BBS1: variants seen among roughly 807,000 people sequenced by gnomAD.
The protein encoded by BBS1 is Bardet-Biedl syndrome 1.
Under a neutral mutation model 73.9 loss-of-function variants are expected in BBS1, and 60 were observed. The observed-to-expected ratio is 0.81, with a 90% confidence interval of 0.66 to 1.01. The LOEUF (loss-of-function observed/expected upper bound fraction) is 1.01, where lower values mean the gene tolerates loss of function less well. Among genes scored for constraint, BBS1 ranks in the 50% least tolerant of loss-of-function variants. The probability of loss-of-function intolerance (pLI) is 0.00; values close to 1 mark genes in which losing one functional copy is unlikely to be tolerated. For synonymous variants in BBS1, 283 were observed against 317.4 expected, an observed-to-expected ratio of 0.89 and a Z score of 1.15; for missense variants, 718 against 770.3, an observed-to-expected ratio of 0.93 and a Z score of 0.80.
At position 66,526,654 on chromosome 11, in the gene BBS1, G is replaced by A. The variant is rs1409763800; in HGVS notation, c.1186G>A (p.Gly396Ser). Reference protein sequence around the residue: ...NTLIMTTRGGGLIIKILKRTA... With the variant: ...NTLIMTTRGGSLIIKILKRTA... ...TCCACTGTCCACTTCCCTAGGTGGT[G>A]GCCTGATCATCAAGATCCTGAAGCG... Residue 396 changes from glycine (G) to serine (S), a missense_variant, in exon 13 of 17, where the codon GGC (glycine) becomes AGC (serine). Physicochemically the swap from Gly to Ser is moderately conservative, Grantham distance 56 (BLOSUM62 0). Transcript: ENST00000318312. 1 of 1,614,108 alleles carries A rather than the reference G, an allele frequency of 6.2e-7. No homozygotes were observed. Among genetic ancestry groups the A allele is most frequent in the African/African-American group, 1.3e-5 (1 of 74,936 alleles).
At chr11:66,527,785 G>A (rs1856584503) in intron 13 of BBS1, 1 of 152,144 alleles carries the variant, frequency 6.6e-6, no homozygotes, top group South Asian at 2.1e-4. Flanking sequence ...AGCTTTTGGA[G>A]CACACAGAGG....
rs753917960 is a variant in BBS1, at chr11:66,529,909, C to T, written c.1430C>T (p.Pro477Leu). ...YLQALESSLSPLSTTAREPLK... is the reference protein window; with the variant it reads ...YLQALESSLSLLSTTAREPLK... ...CAGGCCCTCGAGTCCAGCCTGAGCC[C>T]CCTGTCCACGACAGCCCGAGAGCCA... Residue 477 changes from proline (P) to leucine (L), a missense_variant, in exon 14 of 17, where the codon CCC becomes CTC. Physicochemically the swap from Pro to Leu is moderately conservative, Grantham distance 98 (BLOSUM62 -3). Transcript: ENST00000318312. 7.5e-6 allele frequency: 12 copies of T among 1,606,844 alleles called. No homozygotes were observed. The Admixed American group carries it at 1.8e-4, about 25-fold the overall frequency.
chr11:66,532,372 C>T lies in BBS1; in HGVS notation c.*335C>T, dbSNP rs1393472640. 1 of 332,176 alleles carries T rather than the reference C, an allele frequency of 3.0e-6. No individual in the cohort carries two copies. The highest frequency in any genetic ancestry group is 5.5e-5 in the East Asian group (1 of 18,156). The allele number at this position is 332,176 out of a possible 1,614,324, so 20.6% of individuals were successfully genotyped here. On this transcript the variant is annotated 3_prime_UTR_variant, in exon 17 of 17. Transcript: ENST00000318312. ...GTGAGCTGAGCAGGACAGGCCCAGCCTTTCTCCACTGCCACGTCCCTCATG... is the reference window on the plus strand; with the variant it reads ...GTGAGCTGAGCAGGACAGGCCCAGCTTTTCTCCACTGCCACGTCCCTCATG...
Position 66,532,155 on chromosome 11 carries a change from T to C in BBS1, c.*118T>C. 1 of 1,108,944 alleles carries C rather than the reference T, an allele frequency of 9.0e-7. No homozygotes were observed. The highest frequency in any genetic ancestry group is 1.6e-5 in the African/African-American group (1 of 63,906). The allele number at this position is 1,108,944 out of a possible 1,614,324, so 68.7% of individuals were successfully genotyped here. On this transcript the variant is annotated 3_prime_UTR_variant, in exon 17 of 17. Transcript: ENST00000318312. ...CTGGGGCGACAGCTCGTCTCCCCTC[T>C]CTTAAGCACCCGCTTCCTCACCACC...
In BBS1 at chr11:66,523,786, G is replaced by T; in HGVS notation, c.1014G>T (p.Gln338His). ...AAILTMNLLE[Q>H]HSRGLQAVMA... ...TCCTGACCATGAACCTCCTGGAGCA[G>T]CATTCCCGGGGCCTGCAGGCCGTCA... The change falls in exon 11 of 17, where the codon CAG becomes CAT. Residue 338 changes from glutamine to histidine, a missense_variant. Gln to His is a conservative substitution (Grantham distance 24). Coordinates refer to ENST00000318312, the MANE Select transcript of BBS1 (RefSeq NM_024649.5). The T allele has an allele frequency of 1.2e-6, 2 of 1,613,338 alleles. No homozygotes were observed. Among genetic ancestry groups the T allele is most frequent in the South Asian group, 2.2e-5 (2 of 91,090 alleles).
intron 11 of BBS1, among the ~76,000 whole-genome samples, chr11:66,524,938 C>T (rs766722274): frequency 3.9e-5 from 6 of 152,014 alleles, no homozygotes; most frequent in Non-Finnish European, 8.8e-5. Context: ...CGGTGGCTCA[C>T]GTCTGTAATC....
Position 66,532,143 on chromosome 11 carries a change from TCG to T in BBS1, c.*107_*108del. The T allele has an allele frequency of 8.2e-7, 1 of 1,212,680 alleles. No homozygotes were observed. The highest frequency in any genetic ancestry group is 1.2e-6 in the Non-Finnish European group (1 of 867,110). 75.1% of individuals were successfully genotyped at this position (1,212,680 alleles called of 1,614,324 possible). ...TGCAGCAGTGTGCTGGGGCGACAGC[TCG>T]TCTCCCCTCTCTTAAGCACCCGCTT... On this transcript the variant is annotated 3_prime_UTR_variant, in exon 17 of 17. Transcript: ENST00000318312.
intron 3 of BBS1, among the ~76,000 whole-genome samples, chr11:66,512,915 T>C (rs1855981357): frequency 6.6e-6 from 1 of 151,520 alleles, no homozygotes; most frequent in African/African-American, 2.4e-5. Context: ...GAGGTTGCAG[T>C]GAGCCGAAAT....
rs1271245314 is a variant in BBS1, at chr11:66,529,875, G to A, written c.1396G>A (p.Ala466Thr). 7 of 1,609,886 alleles carry A rather than the reference G, an allele frequency of 4.3e-6. No homozygotes were observed. The highest frequency in any genetic ancestry group is 3.3e-5 in the South Asian group (3 of 91,068). The change falls in exon 14 of 17, where the codon GCC (alanine) becomes ACC (threonine). Residue 466 changes from alanine (A) to threonine (T), a missense_variant. Coordinates refer to ENST00000318312, the MANE Select transcript of BBS1 (RefSeq NM_024649.5). Reference protein sequence around the residue: ...LYLLRLRAARAYLQALESSLS... With the variant: ...LYLLRLRAARTYLQALESSLS... The stretch of plus-strand genomic sequence containing the variant: ...CCTGCTGCGCCTACGTGCTGCCCGC[G>A]CCTACCTGCAGGCCCTCGAGTCCAG...
chr11:66,533,430 C>T lies in BBS1; in HGVS notation c.*1393C>T, dbSNP rs1856861031. 1 of 152,152 alleles carries T rather than the reference C, an allele frequency of 6.6e-6. No individual in the cohort carries two copies. 9.4% of individuals were successfully genotyped at this position (152,152 alleles called of 1,614,324 possible). ...CTTGATATATCAATCTTAGACATTACCTGTTGACTCCCTGTTGTCATACAT... is the reference window on the plus strand; with the variant it reads ...CTTGATATATCAATCTTAGACATTATCTGTTGACTCCCTGTTGTCATACAT... On this transcript the variant is annotated 3_prime_UTR_variant, in exon 17 of 17. Coordinates refer to ENST00000318312, the MANE Select transcript of BBS1 (RefSeq NM_024649.5).
rs569163609 is a variant in BBS1, at chr11:66,524,751, T to C, written c.1110+869T>C. Among the ~76,000 whole-genome samples, 14 of 152,298 alleles carry C rather than the reference T, an allele frequency of 9.2e-5. No individual in the cohort carries two copies. In the South Asian group the frequency reaches 2.7e-3, roughly 29 times the overall value. On this transcript the variant is annotated intron_variant, in intron 11 of 16. Transcript: ENST00000318312. ...TCACAACCAGCAACATTTTTAAAAA[T>C]AGAATAGTAAATTCAAAGTATGTCA...
At position 66,515,705 on chromosome 11, in the gene BBS1, G is replaced by A. The variant is rs1328686332; in HGVS notation, c.492G>A (p.Glu164=). 6 of 1,614,230 alleles carry A rather than the reference G, an allele frequency of 3.7e-6. No homozygotes were observed. Among genetic ancestry groups the A allele is most frequent in the Non-Finnish European group, 5.1e-6 (6 of 1,180,040 alleles). The change falls in exon 6 of 17, where the codon GAG becomes GAA. Residue 164 remains glutamate, a synonymous_variant. Transcript: ENST00000318312. ...EMLESIRETA[E]EPLSIQSLRF... ...CCTTTCCTTGCAGGGAGACGGCAGA[G>A]GAGCCTTTGTCCATCCAGTCACTCA... is the stretch of plus-strand genomic sequence containing the variant.
At chr11:66,512,226 A>T (rs1042061914) in intron 3 of BBS1, among the ~76,000 whole-genome samples, 4 of 152,122 alleles carry the variant, frequency 2.6e-5, no homozygotes, top group African/African-American at 9.6e-5. Context: ...ATAAACATGG[A>T]TTTTATTTAT....
rs987986409 is a variant in BBS1 at position 66,511,299 on chromosome 11, T to C, written c.159+60T>C. The C allele has an allele frequency of 1.1e-5, 17 of 1,581,376 alleles. No homozygotes were observed. The African/African-American group carries it at 2.2e-4, about 20-fold the overall frequency. ...TAGGGGGGTGTACCCAGAAATGAGA[T>C]TTCCTGACGGCTGAAAATAGGCCCA... On this transcript the variant is annotated intron_variant, in intron 3 of 16. Coordinates refer to ENST00000318312, the MANE Select transcript of BBS1 (RefSeq NM_024649.5).
chr11:66,529,207 C>T (rs1441289511), intron 13 of BBS1: 2 of 1,478,104 alleles, frequency 1.4e-6, no homozygotes, highest in Non-Finnish European at 1.8e-6. Flanking sequence ...CGGGGTGGGC[C>T]CTGGAGGTGG....
chr11:66,518,018 C>T (rs11821143), intron 7 of BBS1, among the ~76,000 whole-genome samples: 2,917 of 146,896 alleles, frequency 0.02, 79 homozygotes, highest in African/African-American at 0.069. Flanking sequence ...AGTGCAATGG[C>T]GCAATCTCAG....
At chr11:66,512,364 C>G (rs143099963) in intron 3 of BBS1, among the ~76,000 whole-genome samples, 2 of 152,194 alleles carry the variant, frequency 1.3e-5, no homozygotes, top group Non-Finnish European at 2.9e-5. Context: ...GCAACAACAC[C>G]ACAATGGATA....
intron 7 of BBS1, among the ~76,000 whole-genome samples, chr11:66,516,213 T>C (rs1838258237): frequency 6.7e-6 from 1 of 150,322 alleles, no homozygotes; most frequent in Non-Finnish European, 1.5e-5. Context: ...ACAACCTCTG[T>C]TTCCTGGGTT....
chr11:66,521,245 G>T (rs368073453), intron 8 of BBS1, 25 bp from the exon 9 acceptor site: 20 of 1,579,694 alleles, frequency 1.3e-5, no homozygotes, highest in Non-Finnish European at 1.7e-5. Context: ...AGAGAAATTG[G>T]AGTGTTTGCG....
Sources: allele counts gnomAD v4.1 joint callset (sites outside exome capture counted in the v4.1 genomes callset), GRCh38; gene constraint gnomAD v4.1.1; transcripts MANE v1.5; gene names NCBI Gene and HGNC (gene_info 2026-07-23, HGNC 2026-07-21).